Variants in CDH6 observed in about 807,000 individuals in gnomAD.
The protein encoded by CDH6 is cadherin 6.
Under a neutral mutation model 78.0 loss-of-function variants are expected in CDH6, and 31 were observed. That is an observed-to-expected ratio of 0.40 (90% CI 0.30 to 0.54). CDH6 has a LOEUF of 0.54. CDH6 is among the 20% of genes least tolerant of loss of function. The pLI is 0.56. For missense variants in CDH6, 724 were observed against 975.9 expected (o/e 0.74, Z 3.44); for synonymous variants, 376 against 368.8 (o/e 1.02, Z -0.23).
At chr5:31,258,142 T>C (rs1250044699) in intron 1 of CDH6, among the ~76,000 whole-genome samples, 5 of 152,206 alleles carry the variant, frequency 3.3e-5, no homozygotes, top group Non-Finnish European at 7.3e-5. Flanking sequence ...TATAGGTATA[T>C]ACCCAAATGA....
At chr5:31,252,243 A>G (rs968389952) in intron 1 of CDH6, among the ~76,000 whole-genome samples, 1 of 152,190 alleles carries the variant, frequency 6.6e-6, no homozygotes, top group Non-Finnish European at 1.5e-5. Context: ...GAAATTCTAC[A>G]TTAGTACGGG....
At chr5:31,234,454 C>T (rs1453715962) in intron 1 of CDH6, among the ~76,000 whole-genome samples, 1 of 152,112 alleles carries the variant, frequency 6.6e-6, no homozygotes, top group African/African-American at 2.4e-5. Context: ...GGGAAGGTAT[C>T]CACAGAGTAA....
At chr5:31,304,701 A>AAT (rs1445492249) in intron 6 of CDH6, among the ~76,000 whole-genome samples, 2 of 151,438 alleles carry the variant, frequency 1.3e-5, no homozygotes, top group Non-Finnish European at 2.9e-5. Context: ...AAAAAAAAAA[A>AAT]AAAAGCCAGA....
chr5:31,264,634 G>C (rs1561048709), intron 1 of CDH6, among the ~76,000 whole-genome samples: 1 of 152,054 alleles, frequency 6.6e-6, no homozygotes, highest in Non-Finnish European at 1.5e-5. Context: ...ATTTCACAGA[G>C]AAATCTATCC....
At position 31,326,020 on chromosome 5, in the gene CDH6, GT is replaced by G. The variant is rs77536260; in HGVS notation, c.*2722del. 1,561 of 215,514 alleles carry G rather than the reference GT, an allele frequency of 7.2e-3. 21 individuals carry two copies. The highest frequency in any genetic ancestry group is 0.054 in the East Asian group (796 of 14,670). The allele number at this position is 215,514 out of a possible 1,614,324, so 13.4% of individuals were successfully genotyped here. The stretch of plus-strand genomic sequence containing the variant: ...AGGTCAAACATCATTGCATGCGCAG[GT>G]TTTTTTTTTAATTGCTAGGTCCCAG... On this transcript the variant is annotated 3_prime_UTR_variant, in exon 12 of 12. Transcript: ENST00000265071.
In CDH6 at chr5:31,297,274, T is replaced by A. The variant is rs747763861; in HGVS notation, c.524-15T>A. On this transcript the variant is annotated splice_polypyrimidine_tract_variant and intron_variant, in intron 3 of 11. Coordinates refer to ENST00000265071, the MANE Select transcript of CDH6 (RefSeq NM_004932.4). ...ACTCTTGATGTGTTTTCAGTTTATA[T>A]TTCTGTCATTACAGGTACATTTGTT... is the stretch of plus-strand genomic sequence containing the variant. The A allele has an allele frequency of 4.4e-6, 7 of 1,608,202 alleles. No individual in the cohort carries two copies. Among genetic ancestry groups the A allele is most frequent in the African/African-American group, 4.0e-5 (3 of 74,746 alleles).
intron 1 of CDH6, among the ~76,000 whole-genome samples, chr5:31,196,801 C>T (rs1416322555): frequency 6.6e-6 from 1 of 152,064 alleles, no homozygotes; most frequent in African/African-American, 2.4e-5. Context: ...CAAATGAAAG[C>T]AATGGCCAAT....
At chr5:31,292,871 ATATG>A (rs1737446554) in intron 2 of CDH6, among the ~76,000 whole-genome samples, 1 of 94,288 alleles carries the variant, frequency 1.1e-5, no homozygotes, top group African/African-American at 3.6e-5. Flanking sequence ...ATATATATAT[ATATG>A]TATGTGTTTG....
chr5:31,206,077 G>T (rs996157923), intron 1 of CDH6, among the ~76,000 whole-genome samples: 20 of 152,084 alleles, frequency 1.3e-4, no homozygotes, highest in African/African-American at 4.1e-4. Flanking sequence ...TTGAACTGTT[G>T]CATTCTTGTG....
At chr5:31,203,530 G>C (rs1027296893) in intron 1 of CDH6, among the ~76,000 whole-genome samples, 1 of 144,652 alleles carries the variant, frequency 6.9e-6, no homozygotes, top group African/African-American at 2.6e-5. Flanking sequence ...AGTTTACTGA[G>C]AATGATGATT....
intron 8 of CDH6, among the ~76,000 whole-genome samples, chr5:31,315,167 A>G (rs1372131560): frequency 6.6e-6 from 1 of 151,986 alleles, no homozygotes; most frequent in East Asian, 1.9e-4. Flanking sequence ...TCTAAGTAAC[A>G]CCTCTATTTC....
intron 8 of CDH6, 139 bp from the exon 9 acceptor site, chr5:31,316,069 C>T: frequency 1.2e-6 from 1 of 834,862 alleles, no homozygotes; most frequent in Non-Finnish European, 1.8e-6. Context: ...TGTGACCACA[C>T]TGGTACTTAA....
rs916945882 is a variant in CDH6 at position 31,313,378 on chromosome 5, T to A, written c.1314T>A (p.Gly438=). 1.2e-6 allele frequency: 2 copies of A among 1,613,808 alleles called. No individual in the cohort carries two copies. The highest frequency in any genetic ancestry group is 2.7e-5 in the African/African-American group (2 of 74,904). The change falls in exon 8 of 12, where the codon GGT becomes GGA. Residue 438 remains glycine (G), a synonymous_variant. Coordinates refer to ENST00000265071, the MANE Select transcript of CDH6 (RefSeq NM_004932.4). ...DRIFNIDSGN[G]SIFTSKLLDR... is the part of the protein sequence containing the mutation. ...TATTCAACATTGATTCTGGAAATGG[T>A]TCGATTTTTACATCGAAACTTCTTG...
In CDH6 at chr5:31,241,838, G is replaced by T. The variant is rs141292866; in HGVS notation, c.-128-25508G>T. 3.3e-5 allele frequency among the ~76,000 whole-genome samples: 5 copies of T among 152,314 alleles called. 2 individuals are homozygous for T. The highest frequency in any genetic ancestry group is 1.2e-4 in the African/African-American group (5 of 41,584). On this transcript the variant is annotated intron_variant, in intron 1 of 11. Transcript: ENST00000265071. ...GTTGGAAATTATAGTCTCACCATGT[G>T]CCTAGAAGGAAAAAGGAAATGTGTT... is the stretch of plus-strand genomic sequence containing the variant.
intron 8 of CDH6, among the ~76,000 whole-genome samples, 164 bp downstream of exon 8, chr5:31,313,618 A>G (rs1404845367): frequency 7.2e-5 from 11 of 152,218 alleles, no homozygotes; most frequent in Admixed American, 7.2e-4. Context: ...CTAGATATAC[A>G]TTGGCTCACA....
At position 31,294,808 on chromosome 5, in the gene CDH6, A is replaced by T. The variant is rs1737540045; in HGVS notation, c.523+552A>T. On this transcript the variant is annotated intron_variant, in intron 3 of 11. Transcript: ENST00000265071. This position sits in a 1 kb window ranked among gnomAD's most constrained non-coding sequence, Gnocchi z 4.1. ...GTGGAAATGAAAAGACTTTCATAAC[A>T]TACATAGAGTGAATTAATATTTTTT... is the stretch of plus-strand genomic sequence containing the variant. 6.6e-6 allele frequency among the ~76,000 whole-genome samples: 1 copy of T among 152,196 alleles called. No individual in the cohort carries two copies.
At chr5:31,298,908 T>A (rs1737679360) in intron 4 of CDH6, among the ~76,000 whole-genome samples, 1 of 152,140 alleles carries the variant, frequency 6.6e-6, no homozygotes, top group Non-Finnish European at 1.5e-5. Flanking sequence ...AGAGAATTGA[T>A]GTTCTATTTT....
intron 1 of CDH6, among the ~76,000 whole-genome samples, chr5:31,237,339 A>G (rs1386176074): frequency 6.6e-6 from 1 of 152,166 alleles, no homozygotes; most frequent in Admixed American, 6.5e-5. Context: ...CGATAGCCAC[A>G]TGGTTTCCCA....
chr5:31,315,482 T>A (rs1738293104), intron 8 of CDH6, among the ~76,000 whole-genome samples: 1 of 152,236 alleles, frequency 6.6e-6, no homozygotes, highest in South Asian at 2.1e-4. Flanking sequence ...CATACTGTGC[T>A]AGAAGATTAT....
Sources: allele counts gnomAD v4.1 joint callset (sites outside exome capture counted in the v4.1 genomes callset), GRCh38; gene constraint gnomAD v4.1.1; non-coding constraint Gnocchi (gnomAD v3.1); transcripts MANE v1.5; gene names NCBI Gene and HGNC (gene_info 2026-07-23, HGNC 2026-07-21).